RORB: variants seen among roughly 807,000 people sequenced by gnomAD.
RORB encodes nuclear receptor ROR-beta.
In RORB, 6 loss-of-function variants were observed where a neutral mutation model predicts 59.1. That is an observed-to-expected ratio of 0.10 (90% CI 0.06 to 0.20). The LOEUF is 0.20. Among genes scored for constraint, RORB ranks in the 10% least tolerant of loss-of-function variants. RORB has a pLI of 1.00. For synonymous variants in RORB, 215 were observed against 204.5 expected, an observed-to-expected ratio of 1.05 and a Z score of -0.44; for missense variants, 320 against 560.5, an observed-to-expected ratio of 0.57 and a Z score of 4.33.
chr9:74,541,194 C>A (rs1826400298), intron 1 of RORB, among the ~76,000 whole-genome samples: 1 of 142,096 alleles, frequency 7.0e-6, no homozygotes, highest in African/African-American at 2.6e-5. Flanking sequence ...GCACGAAAAT[C>A]ACTTGAACCT....
chr9:74,601,961 C>T (rs1823064351), intron 1 of RORB, among the ~76,000 whole-genome samples: 1 of 152,138 alleles, frequency 6.6e-6, no homozygotes, highest in African/African-American at 2.4e-5. Flanking sequence ...AAAAGTAGAC[C>T]TTGAACTTAG....
At chr9:74,528,250 G>A (rs185833313) in intron 1 of RORB, among the ~76,000 whole-genome samples, 52 of 152,092 alleles carry the variant, frequency 3.4e-4, no homozygotes, top group Non-Finnish European at 1.0e-4. Context: ...TCCAAGTGTT[G>A]AAACACTTTT....
chr9:74,504,818 A>G (rs1020532318), intron 1 of RORB, among the ~76,000 whole-genome samples: 6 of 152,116 alleles, frequency 3.9e-5, no homozygotes, highest in South Asian at 2.1e-4. Context: ...AAACTGTTAC[A>G]TAGTTTACCT....
intron 1 of RORB, among the ~76,000 whole-genome samples, chr9:74,546,185 A>G (rs1413208514): frequency 6.6e-6 from 1 of 152,210 alleles, no homozygotes; most frequent in Non-Finnish European, 1.5e-5. Context: ...AAATGATTTG[A>G]TTTTAGATAG....
At chr9:74,527,077 C>A (rs1229819139) in intron 1 of RORB, among the ~76,000 whole-genome samples, 2 of 151,830 alleles carry the variant, frequency 1.3e-5, no homozygotes, top group East Asian at 3.9e-4. Context: ...TTAAAGCTAG[C>A]CAAAAGACTC....
chr9:74,658,349 T>C (rs1019950565), intron 4 of RORB, among the ~76,000 whole-genome samples: 6 of 152,206 alleles, frequency 3.9e-5, no homozygotes, highest in Admixed American at 3.3e-4. Context: ...TCCTGAAGCA[T>C]GCATGTGGAT....
At chr9:74,624,359 T>C (rs1823472619) in intron 1 of RORB, among the ~76,000 whole-genome samples, 2 of 152,136 alleles carry the variant, frequency 1.3e-5, no homozygotes, top group South Asian at 4.1e-4. Context: ...ATGCACCATA[T>C]TGTATATTTA....
At chr9:74,622,940 G>A (rs1823448604) in intron 1 of RORB, among the ~76,000 whole-genome samples, 1 of 152,074 alleles carries the variant, frequency 6.6e-6, no homozygotes. Context: ...CAAGTCTCAG[G>A]ACAGCACACA....
intron 1 of RORB, among the ~76,000 whole-genome samples, chr9:74,568,637 T>C (rs1822503136): frequency 6.7e-6 from 1 of 149,110 alleles, no homozygotes; most frequent in Non-Finnish European, 1.5e-5. Flanking sequence ...GAAGCAGAGG[T>C]TGAAGTGAGC....
Position 74,640,433 on chromosome 9 carries a change from C to CTGTGTGTGTGTG in RORB, c.236-1967_236-1956dup, listed in dbSNP as rs71368671. Among the ~76,000 whole-genome samples, 15 of 148,434 alleles carry CTGTGTGTGTGTG rather than the reference C, an allele frequency of 1.0e-4. No homozygotes were observed. In the East Asian group the frequency reaches 2.3e-3, roughly 22 times the overall value. On this transcript the variant is annotated intron_variant, in intron 3 of 9. Transcript: ENST00000376896. Reference sequence around the variant, plus strand: ...CACATACCACCATACTCGGCTAATTCTGTGTGTGTGTGTGTGTGTGTGTGT... The same window carrying CTGTGTGTGTGTG: ...CACATACCACCATACTCGGCTAATTCTGTGTGTGTGTGTGTGTGTGTGTGTGTGTGTGTGTGT...
At chr9:74,623,523 C>T (rs1323255559) in intron 1 of RORB, among the ~76,000 whole-genome samples, 1 of 151,588 alleles carries the variant, frequency 6.6e-6, no homozygotes, top group East Asian at 1.9e-4. Flanking sequence ...AAGGCAAAAG[C>T]AGAGACCACT....
chr9:74,556,881 G>A (rs967016326), intron 1 of RORB, among the ~76,000 whole-genome samples: 31 of 152,192 alleles, frequency 2.0e-4, no homozygotes, highest in Admixed American at 1.6e-3. Context: ...CAGAAATTTT[G>A]TGGCTTTCTT....
At chr9:74,640,777 G>T (rs1823790417) in intron 3 of RORB, among the ~76,000 whole-genome samples, 1 of 152,088 alleles carries the variant, frequency 6.6e-6, no homozygotes, top group African/African-American at 2.4e-5. Flanking sequence ...CCAGTGAGGG[G>T]GCTTAGGAAT....
intron 1 of RORB, among the ~76,000 whole-genome samples, chr9:74,628,485 C>T (rs1486815835): frequency 6.6e-6 from 1 of 152,118 alleles, no homozygotes; most frequent in Admixed American, 6.5e-5. Flanking sequence ...CCTGGATCCT[C>T]AATTTTTTCA....
chr9:74,628,182 C>T (rs942761666), intron 1 of RORB, among the ~76,000 whole-genome samples: 3 of 152,050 alleles, frequency 2.0e-5, no homozygotes, highest in Admixed American at 6.6e-5. Context: ...ATATTTTTCT[C>T]CTACCACAAA....
intron 1 of RORB, among the ~76,000 whole-genome samples, chr9:74,516,118 C>T (rs1036157918): frequency 5.3e-5 from 8 of 152,030 alleles, no homozygotes; most frequent in Admixed American, 1.3e-4. Context: ...CTACTGCTTA[C>T]GGTGCTACTT....
At chr9:74,588,553 G>A (rs1320227207) in intron 1 of RORB, among the ~76,000 whole-genome samples, 4 of 152,106 alleles carry the variant, frequency 2.6e-5, no homozygotes, top group Non-Finnish European at 4.4e-5. Context: ...TATATATGGT[G>A]TAATATTATT....
intron 2 of RORB, among the ~76,000 whole-genome samples, chr9:74,634,107 G>A (rs1405004325): frequency 6.8e-6 from 1 of 147,134 alleles, no homozygotes; most frequent in South Asian, 2.2e-4. Context: ...CTTTTCAGCT[G>A]CATTCGAGCC....
chr9:74,573,349 G>T (rs138396696), intron 1 of RORB, among the ~76,000 whole-genome samples: 2 of 151,726 alleles, frequency 1.3e-5, no homozygotes, highest in Non-Finnish European at 2.9e-5. Context: ...TTCAATTTTG[G>T]CTCCACTCTA....
Sources: gnomAD v4.1 joint callset for allele counts (sites outside exome capture counted in the v4.1 genomes callset) on GRCh38, gnomAD v4.1.1 for gene constraint, MANE v1.5 for transcripts, NCBI Gene and HGNC (gene_info 2026-07-23, HGNC 2026-07-21) for gene names.